The following THSD7B variants were observed in gnomAD, a reference collection of about 807,000 sequenced individuals.
THSD7B encodes the protein thrombospondin type 1 domain containing 7B.
A neutral mutation model predicts 213.6 loss-of-function variants in THSD7B; 138 were observed. The ratio of observed to expected loss-of-function variants is 0.65; its 90% CI spans 0.56 to 0.74. THSD7B has a LOEUF of 0.74. Ranked by LOEUF, THSD7B falls within the 30% of genes least tolerant of loss-of-function variation. THSD7B has a pLI of 0.00. For missense variants in THSD7B, 1,931 were observed against 1,991.5 expected, an observed-to-expected ratio of 0.97 and a Z score of 0.58; for synonymous variants, 742 against 687.0, an observed-to-expected ratio of 1.08 and a Z score of -1.25.
chr2:137,165,999 C>T (rs35017837), intron 6 of THSD7B, among the ~76,000 whole-genome samples: 7,042 of 152,082 alleles, frequency 0.046, 201 homozygotes, highest in Admixed American at 0.069. Flanking sequence ...TGTTTTATTG[C>T]GGAATAGAAG....
chr2:137,331,250 A>G (rs1215841389), intron 12 of THSD7B, among the ~76,000 whole-genome samples: 3 of 151,704 alleles, frequency 2.0e-5, no homozygotes, highest in Admixed American at 6.6e-5. Flanking sequence ...GCCCCACCAG[A>G]GCAGCTAGAT....
At chr2:137,554,581 G>A (rs918543862) in intron 15 of THSD7B, among the ~76,000 whole-genome samples, 1 of 152,150 alleles carries the variant, frequency 6.6e-6, no homozygotes, top group African/African-American at 2.4e-5. Flanking sequence ...TTCCAAGATG[G>A]CCGAATAGGA....
intron 12 of THSD7B, among the ~76,000 whole-genome samples, chr2:137,361,449 T>G (rs1341324318): frequency 6.6e-6 from 1 of 152,114 alleles, no homozygotes; most frequent in Non-Finnish European, 1.5e-5. Flanking sequence ...TAAAGGAGGA[T>G]GTTCAAACCC....
chr2:137,480,272 TG>T (rs1688277375), intron 15 of THSD7B, among the ~76,000 whole-genome samples: 1 of 152,190 alleles, frequency 6.6e-6, no homozygotes, highest in Non-Finnish European at 1.5e-5. Context: ...CTTTATCATT[TG>T]GGATAAGAAC....
chr2:137,672,952 T>C (rs565643078), intron 27 of THSD7B, among the ~76,000 whole-genome samples: 1 of 152,330 alleles, frequency 6.6e-6, no homozygotes, highest in African/African-American at 2.4e-5. Context: ...TTAACCTAGA[T>C]GTAGCACCTG....
At chr2:137,520,630 G>C (rs1680167253) in intron 15 of THSD7B, among the ~76,000 whole-genome samples, 1 of 152,206 alleles carries the variant, frequency 6.6e-6, no homozygotes, top group Non-Finnish European at 1.5e-5. Flanking sequence ...CAGTAGGAGT[G>C]CTCGTAAGAA....
At chr2:137,412,966 T>C (rs1573611432) in intron 14 of THSD7B, among the ~76,000 whole-genome samples, 1 of 151,986 alleles carries the variant, frequency 6.6e-6, no homozygotes, top group Non-Finnish European at 1.5e-5. Flanking sequence ...TTGGTCTTAG[T>C]CATCAAGGTT....
At chr2:137,054,719 T>A (rs1687128547) in intron 2 of THSD7B, among the ~76,000 whole-genome samples, 1 of 152,046 alleles carries the variant, frequency 6.6e-6, no homozygotes, top group Admixed American at 6.6e-5. Context: ...CTTATGATCA[T>A]CACAGTCCTG....
At chr2:137,538,008 C>A (rs76031140) in intron 15 of THSD7B, among the ~76,000 whole-genome samples, 25,274 of 151,536 alleles carry the variant, frequency 0.17, 2,237 homozygotes, top group South Asian at 0.28. Context: ...AAGAGGGGAC[C>A]AGTAGGGACA....
In THSD7B at chr2:137,588,062, C is replaced by A. The variant is rs562731609; in HGVS notation, c.3423+15506C>A. Among the ~76,000 whole-genome samples, 988 of 152,232 alleles carry A rather than the reference C, an allele frequency of 6.5e-3. 13 individuals are homozygous for A. Among genetic ancestry groups the A allele is most frequent in the South Asian group, 0.019 (92 of 4,816 alleles). ...GTGCCCCTCCCCCAGCCTGGCTGCCCCCTTGCAGTTTGATCTCAGACTGCT... is the reference window on the plus strand; with the variant it reads ...GTGCCCCTCCCCCAGCCTGGCTGCCACCTTGCAGTTTGATCTCAGACTGCT... On this transcript the variant is annotated intron_variant, in intron 17 of 27. Coordinates refer to ENST00000409968, the MANE Select transcript of THSD7B (RefSeq NM_001316349.2).
chr2:136,946,704 G>C (rs557895647), intron 2 of THSD7B, among the ~76,000 whole-genome samples: 1 of 152,198 alleles, frequency 6.6e-6, no homozygotes, highest in African/African-American at 2.4e-5. Flanking sequence ...ACACCCCTCC[G>C]CCTGCTGGGC....
intron 2 of THSD7B, among the ~76,000 whole-genome samples, chr2:136,933,142 T>TC: frequency 1.4e-5 from 1 of 73,752 alleles, no homozygotes; most frequent in African/African-American, 3.3e-5. Flanking sequence ...CTTCCTTCCT[T>TC]CCTTCCTTCC....
At chr2:137,172,063 G>T (rs912391025) in intron 7 of THSD7B, among the ~76,000 whole-genome samples, 1 of 152,084 alleles carries the variant, frequency 6.6e-6, no homozygotes, top group Non-Finnish European at 1.5e-5. Flanking sequence ...GATCACTTTC[G>T]TATTGCTTTT....
chr2:137,014,650 G>C (rs990981085), intron 2 of THSD7B, among the ~76,000 whole-genome samples: 1 of 152,218 alleles, frequency 6.6e-6, no homozygotes, highest in African/African-American at 2.4e-5. Context: ...GTGTTGGCCT[G>C]TTGGGGTTGG....
intron 12 of THSD7B, among the ~76,000 whole-genome samples, chr2:137,377,530 G>A (rs1230818620): frequency 6.6e-6 from 1 of 151,976 alleles, no homozygotes; most frequent in Non-Finnish European, 1.5e-5. Context: ...ATTGTTTTGT[G>A]ACGTGATGTC....
At chr2:137,575,537 C>T (rs1340866829) in intron 17 of THSD7B, among the ~76,000 whole-genome samples, 1 of 151,842 alleles carries the variant, frequency 6.6e-6, no homozygotes, top group Non-Finnish European at 1.5e-5. Flanking sequence ...AATTGCAAAC[C>T]ATACAGAAGA....
chr2:137,275,981 A>G lies in THSD7B; in HGVS notation c.2455A>G (p.Ile819Val), dbSNP rs1477077725. The G allele has an allele frequency of 3.1e-6, 5 of 1,612,194 alleles. No homozygotes were observed. Among genetic ancestry groups the G allele is most frequent in the Non-Finnish European group, 3.4e-6 (4 of 1,178,914 alleles). The part of the protein sequence containing the change: ...ILVPESVWQG[I>V]TGSSEACGKG... ...AGTGCCAGAGTCTGTCTGGCAGGGA[A>G]TAACGGGCAGCAGTGAAGCCTGTGG... Residue 819 changes from isoleucine (I) to valine (V), a missense_variant, in exon 12 of 28, where the codon ATA becomes GTA. Physicochemically the swap from Ile to Val is conservative, Grantham distance 29. Transcript: ENST00000409968.
At chr2:137,572,877 C>T (rs1217985302) in intron 17 of THSD7B, among the ~76,000 whole-genome samples, 2 of 151,904 alleles carry the variant, frequency 1.3e-5, no homozygotes, top group Non-Finnish European at 2.9e-5. Flanking sequence ...AATGATTCTC[C>T]TTATAATATA....
chr2:137,193,988 C>T (rs1485584461), intron 7 of THSD7B, among the ~76,000 whole-genome samples: 2 of 151,918 alleles, frequency 1.3e-5, no homozygotes, highest in African/African-American at 2.4e-5. Context: ...AGCTAATGGA[C>T]TCACCCAACA....
Sources: allele counts gnomAD v4.1 joint callset (sites outside exome capture counted in the v4.1 genomes callset), GRCh38; gene constraint gnomAD v4.1.1; transcripts MANE v1.5; gene names NCBI Gene and HGNC (gene_info 2026-07-23, HGNC 2026-07-21).